ZNF202: variants seen among roughly 807,000 people sequenced by gnomAD.
ZNF202 encodes zinc finger protein with KRAB and SCAN domains 10.
ZNF202 carries 22 observed loss-of-function variants against 54.5 expected under a neutral mutation model. The observed-to-expected ratio is 0.40, with a 90% CI of 0.29 to 0.58. The LOEUF (loss-of-function observed/expected upper bound fraction) is 0.58. Among genes scored for constraint, ZNF202 ranks in the 20% least tolerant of loss-of-function variants. The pLI is 0.39. For synonymous variants in ZNF202, 294 were observed against 301.4 expected (o/e 0.98, Z 0.26); for missense variants, 644 against 805.5 (o/e 0.80, Z 2.43).
Position 123,724,353 on chromosome 11 carries a change from G to A in ZNF202, c.*1644C>T, listed in dbSNP as rs528053723. 4 of 152,302 alleles carry A rather than the reference G, an allele frequency of 2.6e-5. No individual in the cohort carries two copies. Among genetic ancestry groups the A allele is most frequent in the African/African-American group, 9.6e-5 (4 of 41,564 alleles). 9.4% of individuals were successfully genotyped at this position (152,302 alleles called of 1,614,324 possible). A position where few individuals can be genotyped will look rare whatever the true frequency, so the allele number is the denominator to read the frequency against. On this transcript the variant is annotated 3_prime_UTR_variant, in exon 9 of 9. Transcript: ENST00000530393. The stretch of plus-strand genomic sequence containing the variant: ...GAAACCAGGGAACTTGGCTGCAAGT[G>A]TTACCTTTATTTATTTCATATATGT...
At chr11:123,729,521 C>T in intron 5 of ZNF202, 94 bp downstream of exon 5, 1 of 1,370,148 alleles carries the variant, frequency 7.3e-7, no homozygotes, top group South Asian at 1.5e-5. Flanking sequence ...AGTCTATCTA[C>T]CCAGCTTCCT....
Position 123,730,931 on chromosome 11 carries a change from T to C in ZNF202, c.-43A>G, listed in dbSNP as rs1861379209. The C allele has an allele frequency of 6.4e-7, 1 of 1,573,238 alleles. No individual in the cohort carries two copies. The highest frequency in any genetic ancestry group is 1.2e-5 in the South Asian group (1 of 84,130). ...GTCTCACACCATCTAGAGCTCACAC[T>C]GTCATTAGCCCCCCGCCTCAGCCTG... is the stretch of plus-strand genomic sequence containing the variant. On this transcript the variant is annotated 5_prime_UTR_variant, in exon 4 of 9. Coordinates refer to ENST00000530393, the MANE Select transcript of ZNF202 (RefSeq NM_003455.4). This position sits in a 1 kb window ranked among gnomAD's most constrained non-coding sequence, Gnocchi z 6.0.
chr11:123,724,147 T>C lies in ZNF202; in HGVS notation c.*1850A>G, dbSNP rs533408595. On this transcript the variant is annotated 3_prime_UTR_variant, in exon 9 of 9. Coordinates refer to ENST00000530393, the MANE Select transcript of ZNF202 (RefSeq NM_003455.4). ...TATTAGGACAGTATCTTCTGCAAACTCCAGGCTTGGATCTTATCTCAGAGT... is the reference window on the plus strand; with the variant it reads ...TATTAGGACAGTATCTTCTGCAAACCCCAGGCTTGGATCTTATCTCAGAGT... The C allele has an allele frequency of 7.9e-5, 12 of 152,318 alleles. No individual in the cohort carries two copies. Among genetic ancestry groups the C allele is most frequent in the African/African-American group, 2.6e-4 (11 of 41,580 alleles). 9.4% of individuals were successfully genotyped at this position (152,318 alleles called of 1,614,324 possible).
At chr11:123,727,691 A>G (rs1486092335) in intron 7 of ZNF202, 96 bp from the exon 8 acceptor site, 1 of 1,488,036 alleles carries the variant, frequency 6.7e-7, no homozygotes, top group African/African-American at 1.4e-5. Flanking sequence ...TGGGGCAAAT[A>G]CATAGCTAGC....
At position 123,727,391 on chromosome 11, in the gene ZNF202, G is replaced by C. The variant is rs1053063092; in HGVS notation, c.952+85C>G. ...GCTGACATGTTAGAAGAACTGATGA[G>C]AGCGGGGCCCTACAGAGAGAGAGAA... On this transcript the variant is annotated intron_variant, in intron 8 of 8. Coordinates refer to ENST00000530393, the MANE Select transcript of ZNF202 (RefSeq NM_003455.4). 7.0e-6 allele frequency: 11 copies of C among 1,574,868 alleles called. No homozygotes were observed. The Admixed American group carries it at 1.0e-4, about 15-fold the overall frequency.
At chr11:123,738,214 T>C (rs954109614) in intron 3 of ZNF202, among the ~76,000 whole-genome samples, 2 of 152,204 alleles carry the variant, frequency 1.3e-5, no homozygotes, top group African/African-American at 4.8e-5. Context: ...TCTTGCCATG[T>C]TGCCCAGGCT....
At chr11:123,733,274 G>A (rs1354005380) in intron 3 of ZNF202, among the ~76,000 whole-genome samples, 6 of 152,084 alleles carry the variant, frequency 3.9e-5, no homozygotes, top group Non-Finnish European at 5.9e-5. Flanking sequence ...TTCTCAAAAC[G>A]CTTCTAATTC....
At chr11:123,739,364 G>A (rs1031807715) in intron 3 of ZNF202, 2 of 149,544 alleles carry the variant, frequency 1.3e-5, no homozygotes, top group Admixed American at 1.4e-4. Context: ...TATCTACTGA[G>A]CGTCAATTAC....
intron 3 of ZNF202, among the ~76,000 whole-genome samples, chr11:123,737,219 G>A (rs568645830): frequency 6.6e-6 from 1 of 152,038 alleles, no homozygotes; most frequent in African/African-American, 2.4e-5. Context: ...ACTGGCAGGA[G>A]ACAATCTGAG....
intron 3 of ZNF202, among the ~76,000 whole-genome samples, chr11:123,737,367 A>G (rs1861674480): frequency 6.6e-6 from 1 of 152,222 alleles, no homozygotes; most frequent in Non-Finnish European, 1.5e-5. Flanking sequence ...CTGTTTCTGT[A>G]AAATATTTTT....
At chr11:123,735,792 C>T (rs1565529258) in intron 3 of ZNF202, among the ~76,000 whole-genome samples, 1 of 152,180 alleles carries the variant, frequency 6.6e-6, no homozygotes, top group African/African-American at 2.4e-5. Flanking sequence ...ATATTAGAGG[C>T]AGAAAACAGA....
chr11:123,733,403 A>C (rs572954786), intron 3 of ZNF202, among the ~76,000 whole-genome samples: 2 of 151,778 alleles, frequency 1.3e-5, no homozygotes, highest in South Asian at 4.2e-4. Context: ...TGCTATCTCT[A>C]CCTCATGGTG....
rs1343922549 is a variant in ZNF202, at chr11:123,730,775, A to G, written c.114T>C (p.Asp38=). ...TCRPESVLQR[D]DPVLETSHQN... ...GGTGGGAGGTTTCCAGCACCGGGTC[A>G]TCCCTCTGTAAGACAGACTCTGGCC... Residue 38 remains aspartate, a synonymous_variant, in exon 4 of 9, where the codon GAT becomes GAC. Coordinates refer to ENST00000530393, the MANE Select transcript of ZNF202 (RefSeq NM_003455.4). The surrounding 1 kb of genome is among the most constrained non-coding windows in gnomAD (Gnocchi z 6.0). 6.2e-7 allele frequency: 1 copy of G among 1,614,194 alleles called. No homozygotes were observed. Among genetic ancestry groups the G allele is most frequent in the South Asian group, 1.1e-5 (1 of 91,088 alleles).
In ZNF202 at chr11:123,730,576, A is replaced by T; in HGVS notation, c.313T>A (p.Trp105Arg). ...CTTTCTGGCCGTTGGCCCCGCACCC[A>T]GCTCTGTAGTTCTCCAGGTAGGACG... The part of the protein sequence containing the change: ...LTVLPGELQS[W>R]VRGQRPESGE... The change falls in exon 4 of 9, where the codon TGG becomes AGG. Residue 105 changes from tryptophan (W) to arginine (R), a missense_variant. This residue lies in a region of ZNF202 where 62 missense variants were observed against 122.8 expected (regional missense o/e 0.50). Transcript: ENST00000530393. The surrounding 1 kb of genome is among the most constrained non-coding windows in gnomAD (Gnocchi z 6.0). The T allele has an allele frequency of 6.2e-7, 1 of 1,604,784 alleles. No homozygotes were observed. Among genetic ancestry groups the T allele is most frequent in the Non-Finnish European group, 8.5e-7 (1 of 1,175,594 alleles).
At position 123,726,930 on chromosome 11, in the gene ZNF202, T is replaced by C; in HGVS notation, c.1014A>G (p.Ile338Met). The change falls in exon 9 of 9, where the codon ATA becomes ATG. Residue 338 changes from isoleucine (I) to methionine (M), a missense_variant. This residue lies in a region of ZNF202 where 536 missense variants were observed against 635.3 expected (regional missense o/e 0.84). Transcript: ENST00000530393. The surrounding 1 kb of genome is among the most constrained non-coding windows in gnomAD (Gnocchi z 6.0). ...LEQEDLSLED[I>M]HRPVLGEPEI... ...CTGGTTCTCCCAAAACAGGCCTGTG[T>C]ATATCCTCCAAACTCAGATCTTCCT... The C allele has an allele frequency of 1.2e-6, 2 of 1,614,022 alleles. No homozygotes were observed. The highest frequency in any genetic ancestry group is 1.7e-6 in the Non-Finnish European group (2 of 1,180,028).
chr11:123,726,541 A>G lies in ZNF202; in HGVS notation c.1403T>C (p.Val468Ala), dbSNP rs763741044. 1.2e-6 allele frequency: 2 copies of G among 1,614,234 alleles called. No homozygotes were observed. Among genetic ancestry groups the G allele is most frequent in the Non-Finnish European group, 8.5e-7 (1 of 1,180,048 alleles). ...TGATGGAGTTCTCTCAGCCTGTGTCACAGGGGAGGTCTCTTCCAAATTCTT... is the reference window on the plus strand; with the variant it reads ...TGATGGAGTTCTCTCAGCCTGTGTCGCAGGGGAGGTCTCTTCCAAATTCTT... ...NRKNLEETSP[V>A]TQAERTPSVE... Residue 468 changes from valine to alanine, a missense_variant, in exon 9 of 9, where the codon GTG becomes GCG. Val to Ala is a moderately conservative substitution (Grantham distance 64). Coordinates refer to ENST00000530393, the MANE Select transcript of ZNF202 (RefSeq NM_003455.4). This position sits in a 1 kb window ranked among gnomAD's most constrained non-coding sequence, Gnocchi z 6.0.
rs1861352806 is a variant in ZNF202, at chr11:123,730,360, A to G, written c.402+127T>C. The stretch of plus-strand genomic sequence containing the variant: ...CCCCCTAATCCATGGGGCTCATGGT[A>G]TATGAGCAACCCAAGGGCAGAGCCC... On this transcript the variant is annotated intron_variant, in intron 4 of 8. Coordinates refer to ENST00000530393, the MANE Select transcript of ZNF202 (RefSeq NM_003455.4). This position sits in a 1 kb window ranked among gnomAD's most constrained non-coding sequence, Gnocchi z 6.0. 1 of 1,199,706 alleles carries G rather than the reference A, an allele frequency of 8.3e-7. No homozygotes were observed. The highest frequency in any genetic ancestry group is 1.1e-6 in the Non-Finnish European group (1 of 879,014). 74.3% of individuals were successfully genotyped at this position (1,199,706 alleles called of 1,614,324 possible).
At chr11:123,734,998 C>T (rs1861571964) in intron 3 of ZNF202, among the ~76,000 whole-genome samples, 1 of 145,406 alleles carries the variant, frequency 6.9e-6, no homozygotes, top group Non-Finnish European at 1.5e-5. Flanking sequence ...ATGCAAGTCA[C>T]ACAACACTTG....
At position 123,727,576 on chromosome 11, in the gene ZNF202, A is replaced by G. The variant is rs1861210458; in HGVS notation, c.852T>C (p.Pro284=). 6.2e-7 allele frequency: 1 copy of G among 1,614,088 alleles called. No individual in the cohort carries two copies. Among genetic ancestry groups the G allele is most frequent in the African/African-American group, 1.3e-5 (1 of 75,040 alleles). ...CCTCTCTAACCTGGGAGATCTCATCAGGTCTGGGGATTGGAAATGCTGCTC... is the reference window on the plus strand; with the variant it reads ...CCTCTCTAACCTGGGAGATCTCATCGGGTCTGGGGATTGGAAATGCTGCTC... ...VVSLSFPIPR[P]DEISQVREEE... The change falls in exon 8 of 9, where the codon CCT becomes CCC. Residue 284 remains proline (P), a synonymous_variant. Transcript: ENST00000530393.
Sources: allele counts gnomAD v4.1 joint callset (sites outside exome capture counted in the v4.1 genomes callset), GRCh38; gene constraint gnomAD v4.1.1; regional missense constraint gnomAD v4.1.1; non-coding constraint Gnocchi (gnomAD v3.1); transcripts MANE v1.5; gene names NCBI Gene and HGNC (gene_info 2026-07-23, HGNC 2026-07-21).